Variants in RNF185 observed in about 807,000 individuals in gnomAD.
The protein encoded by RNF185 is E3 ubiquitin-protein ligase RNF185.
RNF185 carries 13 observed loss-of-function variants against 24.9 expected under a neutral mutation model. That is an observed-to-expected ratio of 0.52 (90% CI 0.34 to 0.83). The LOEUF is 0.83. Ranked by LOEUF, RNF185 falls within the 40% of genes least tolerant of loss-of-function variation. The pLI, the probability that RNF185 is intolerant of heterozygous loss-of-function variation, is 0.01. For synonymous variants in RNF185, 79 were observed against 90.3 expected, an observed-to-expected ratio of 0.88 and a Z score of 0.71; for missense variants, 184 against 244.7, an observed-to-expected ratio of 0.75 and a Z score of 1.65.
intron 1 of RNF185, among the ~76,000 whole-genome samples, chr22:31,162,833 C>T (rs977561731): frequency 2.0e-5 from 3 of 149,224 alleles, no homozygotes; most frequent in African/African-American, 7.4e-5. Context: ...GGCTCCATCT[C>T]AGCTCACTGC....
intron 1 of RNF185, among the ~76,000 whole-genome samples, chr22:31,172,841 A>AAGGACACTGGC (rs2047943783): frequency 6.6e-6 from 1 of 152,122 alleles, no homozygotes. Context: ...ATTTGCAGGT[A>AAGGACACTGGC]AGGACACTGG....
chr22:31,166,583 C>CT (rs1923936199), intron 1 of RNF185, among the ~76,000 whole-genome samples: 4 of 52,992 alleles, frequency 7.5e-5, no homozygotes, highest in Admixed American at 2.0e-4. Flanking sequence ...CTTCTTCTTC[C>CT]CCTTCCCCTT....
chr22:31,171,523 A>G (rs762131147), intron 1 of RNF185, among the ~76,000 whole-genome samples: 4 of 150,916 alleles, frequency 2.7e-5, no homozygotes, highest in Non-Finnish European at 5.9e-5. Context: ...GCATTCTCTA[A>G]GTGTTTGCCA....
chr22:31,187,219 G>C lies in RNF185; in HGVS notation c.125G>C (p.Cys42Ser), dbSNP rs2048108791. Reference protein sequence around the residue: ...GQDSTFECNICLDTAKDAVIS... With the variant: ...GQDSTFECNISLDTAKDAVIS... ...GACAGCACTTTCGAGTGCAACATCT[G>C]CTTGGACACAGCCAAGGATGCCGTC... The change falls in exon 2 of 7, where the codon TGC becomes TCC. Residue 42 changes from cysteine to serine, a missense_variant. Cys to Ser is a moderately radical substitution (Grantham distance 112). Coordinates refer to ENST00000326132, the MANE Select transcript of RNF185 (RefSeq NM_152267.4). 1 of 1,614,020 alleles carries C rather than the reference G, an allele frequency of 6.2e-7. No individual in the cohort carries two copies. The highest frequency in any genetic ancestry group is 8.5e-7 in the Non-Finnish European group (1 of 1,180,000).
At chr22:31,187,915 GGT>G (rs949107211) in intron 2 of RNF185, among the ~76,000 whole-genome samples, 1 of 71,406 alleles carries the variant, frequency 1.4e-5, no homozygotes, top group Non-Finnish European at 2.6e-5. Flanking sequence ...GTCGGATTTT[GGT>G]TTTTTGTGTG....
chr22:31,185,288 G>C (rs1424324669), intron 1 of RNF185, among the ~76,000 whole-genome samples: 1 of 152,154 alleles, frequency 6.6e-6, no homozygotes, highest in East Asian at 1.9e-4. Context: ...TGGTATCGTG[G>C]TGAGGGATAC....
intron 2 of RNF185, among the ~76,000 whole-genome samples, chr22:31,189,135 A>ATATGTGTGTGTGTGTG (rs368967009): frequency 0.032 from 4,432 of 136,800 alleles, 135 homozygotes; most frequent in Non-Finnish European, 0.046. Flanking sequence ...CAAAAAAAAA[A>ATATGTGTGTGTGTGTG]TGTGTGTGTG....
intron 1 of RNF185, among the ~76,000 whole-genome samples, chr22:31,175,076 TAAA>T (rs5844936): frequency 2.0e-4 from 28 of 138,534 alleles, no homozygotes; most frequent in Non-Finnish European, 1.7e-4. Flanking sequence ...CGTCTCAAAT[TAAA>T]AAAAAAAAAA....
chr22:31,165,072 G>A (rs1162121842), intron 1 of RNF185, among the ~76,000 whole-genome samples: 1 of 150,536 alleles, frequency 6.6e-6, no homozygotes, highest in African/African-American at 2.5e-5. Flanking sequence ...CACCACGCCC[G>A]GCTAATTTTG....
chr22:31,175,831 T>C (rs1224628816), intron 1 of RNF185, among the ~76,000 whole-genome samples: 1 of 152,228 alleles, frequency 6.6e-6, no homozygotes, highest in Non-Finnish European at 1.5e-5. Context: ...ATGATTATTA[T>C]TCTAAGGACC....
intron 3 of RNF185, among the ~76,000 whole-genome samples, chr22:31,195,022 G>A (rs1421791324): frequency 6.6e-6 from 1 of 151,864 alleles, no homozygotes; most frequent in East Asian, 1.9e-4. Flanking sequence ...GTGCAATCTC[G>A]GCTCACTGCA....
intron 1 of RNF185, among the ~76,000 whole-genome samples, chr22:31,186,287 A>C (rs2048097306): frequency 6.6e-6 from 1 of 152,102 alleles, no homozygotes. Flanking sequence ...ATCCTTTCAT[A>C]GTTACAGGAA....
At position 31,206,011 on chromosome 22, in the gene RNF185, C is replaced by T. The variant is rs2048310987; in HGVS notation, c.*1425C>T. 1 of 154,642 alleles carries T rather than the reference C, an allele frequency of 6.5e-6. No individual in the cohort carries two copies. Among genetic ancestry groups the T allele is most frequent in the African/African-American group, 2.4e-5 (1 of 41,524 alleles). 9.6% of individuals were successfully genotyped at this position (154,642 alleles called of 1,614,324 possible). A position where few individuals can be genotyped will look rare whatever the true frequency, so the allele number is the denominator to read the frequency against. ...GAAATCCAGCCTCTTTCTGGAGACC[C>T]CAAAGCTGGAGGGAGATGGGCTTTC... On this transcript the variant is annotated 3_prime_UTR_variant, in exon 7 of 7. Transcript: ENST00000326132.
rs79952133 is a variant in RNF185, at chr22:31,187,143, G to A, written c.49G>A (p.Ala17Thr). The A allele has an allele frequency of 2.2e-3, 3,599 of 1,613,592 alleles. 6 individuals are homozygous for A. The highest frequency in any genetic ancestry group is 2.9e-3 in the Non-Finnish European group (3,380 of 1,179,724). Residue 17 changes from alanine (A) to threonine (T), a missense_variant, in exon 2 of 7, where the codon GCA becomes ACA. Ala to Thr is a moderately conservative substitution (Grantham distance 58, BLOSUM62 0). Transcript: ENST00000326132. Reference sequence around the variant, plus strand: ...CTCTGCATCTCCTGAGAACTCCAGTGCAGGGGGGCCCAGTGGGAGCAGCAA... The same window carrying A: ...CTCTGCATCTCCTGAGAACTCCAGTACAGGGGGGCCCAGTGGGAGCAGCAA... ...SASASPENSS[A>T]GGPSGSSNGA...
Position 31,187,115 on chromosome 22 carries a change from G to T in RNF185, c.21G>T (p.Ser7=), listed in dbSNP as rs752417601. Residue 7 remains serine (S), a synonymous_variant, in exon 2 of 7, where the codon TCG becomes TCT. Transcript: ENST00000326132. ...CAAGGATGGCAAGCAAGGGGCCCTC[G>T]GCCTCTGCATCTCCTGAGAACTCCA... MASKGP[S]ASASPENSSA... is the part of the protein sequence containing the mutation. 3.2e-5 allele frequency: 51 copies of T among 1,607,718 alleles called. No homozygotes were observed. Among genetic ancestry groups the T allele is most frequent in the Non-Finnish European group, 4.2e-5 (49 of 1,177,532 alleles).
intron 1 of RNF185, among the ~76,000 whole-genome samples, chr22:31,183,605 T>G (rs191669621): frequency 6.6e-6 from 1 of 152,274 alleles, no homozygotes; most frequent in Admixed American, 6.5e-5. Flanking sequence ...GTATGCTGCC[T>G]TCAAGCATCT....
chr22:31,178,794 T>G (rs2048006996), intron 1 of RNF185, among the ~76,000 whole-genome samples: 1 of 152,188 alleles, frequency 6.6e-6, no homozygotes, highest in Non-Finnish European at 1.5e-5. Flanking sequence ...AGTGATTAAT[T>G]TACTCTGTAC....
At chr22:31,184,798 C>G (rs926081445) in intron 1 of RNF185, among the ~76,000 whole-genome samples, 5 of 152,010 alleles carry the variant, frequency 3.3e-5, no homozygotes, top group Admixed American at 2.0e-4. Flanking sequence ...GCCTGCAATC[C>G]CAGGCACTCG....
At chr22:31,163,720 C>T (rs1923730140) in intron 1 of RNF185, among the ~76,000 whole-genome samples, 1 of 151,482 alleles carries the variant, frequency 6.6e-6, no homozygotes, top group South Asian at 2.1e-4. Flanking sequence ...GTCCTCCAGG[C>T]TGGAGTGCAG....
Sources: allele counts gnomAD v4.1 joint callset (sites outside exome capture counted in the v4.1 genomes callset), GRCh38; gene constraint gnomAD v4.1.1; transcripts MANE v1.5; gene names NCBI Gene and HGNC (gene_info 2026-07-23, HGNC 2026-07-21).